LRMDA: variants seen among roughly 807,000 people sequenced by gnomAD.
LRMDA encodes the protein leucine-rich melanocyte differentiation-associated protein.
A neutral mutation model predicts 29.8 loss-of-function variants in LRMDA; 18 were observed. That is an observed-to-expected ratio of 0.60 (90% CI 0.42 to 0.90). The LOEUF (loss-of-function observed/expected upper bound fraction) is 0.90, where lower values mean the gene tolerates loss of function less well. Ranked by LOEUF, LRMDA falls within the 40% of genes least tolerant of loss-of-function variation. LRMDA has a pLI of 0.00. For missense variants in LRMDA, 273 were observed against 273.9 expected (o/e 1.00, Z 0.02); for synonymous variants, 125 against 109.4 (o/e 1.14, Z -0.89).
intron 5 of LRMDA, among the ~76,000 whole-genome samples, chr10:76,101,117 C>T (rs1292654101): frequency 6.6e-6 from 1 of 152,084 alleles, no homozygotes; most frequent in African/African-American, 2.4e-5. Context: ...GTGATATTCT[C>T]TCCAGCTTTT....
intron 5 of LRMDA, among the ~76,000 whole-genome samples, chr10:76,062,436 C>A (rs1350317871): frequency 6.6e-6 from 1 of 152,154 alleles, no homozygotes; most frequent in Non-Finnish European, 1.5e-5. Flanking sequence ...CCCGATGTCG[C>A]AGAGGTCTGA....
At chr10:76,062,698 T>TGTGTG (rs1564642890) in intron 5 of LRMDA, among the ~76,000 whole-genome samples, 28 of 101,916 alleles carry the variant, frequency 2.7e-4, no homozygotes, top group Admixed American at 5.5e-4. Flanking sequence ...GTGTGTGTGT[T>TGTGTG]ATTAGTTGAT....
At chr10:75,984,641 A>T (rs899708509) in intron 2 of LRMDA, among the ~76,000 whole-genome samples, 1 of 152,216 alleles carries the variant, frequency 6.6e-6, no homozygotes, top group Non-Finnish European at 1.5e-5. Context: ...AGATCAGCGC[A>T]TGTCACAGCC....
chr10:75,897,319 A>G (rs1845600109), intron 2 of LRMDA, among the ~76,000 whole-genome samples: 2 of 152,244 alleles, frequency 1.3e-5, no homozygotes, highest in South Asian at 4.1e-4. Context: ...GGCCCTTAAC[A>G]TTACAGGTTT....
intron 2 of LRMDA, among the ~76,000 whole-genome samples, chr10:75,785,514 CT>C: frequency 6.6e-6 from 1 of 152,338 alleles, no homozygotes; most frequent in African/African-American, 2.4e-5. Context: ...AAAACATTCT[CT>C]GCCTCTCTGG....
intron 6 of LRMDA, among the ~76,000 whole-genome samples, chr10:76,534,049 C>G (rs144030946): frequency 2.6e-5 from 4 of 152,102 alleles, no homozygotes; most frequent in Non-Finnish European, 4.4e-5. Context: ...TGTGATAGAT[C>G]CTGTGCTTTG....
rs181131979 is a variant in LRMDA, at chr10:76,398,826, G to A, written c.601+74341G>A. ...AGAAAAGGATGGTTTCTCTTGGGAG[G>A]CCAGGAGTTCCTTATTCCCACTTGA... On this transcript the variant is annotated intron_variant, in intron 6 of 6. Transcript: ENST00000611255. 2.0e-5 allele frequency among the ~76,000 whole-genome samples: 3 copies of A among 152,268 alleles called. No individual in the cohort carries two copies. In the East Asian group the frequency reaches 5.8e-4, roughly 29 times the overall value.
At chr10:76,092,973 G>A (rs755875120) in intron 5 of LRMDA, among the ~76,000 whole-genome samples, 7 of 152,196 alleles carry the variant, frequency 4.6e-5, no homozygotes, top group East Asian at 1.9e-4. Flanking sequence ...CTTTTGGTCC[G>A]TGGGCTCTCC....
intron 5 of LRMDA, among the ~76,000 whole-genome samples, chr10:76,081,809 A>G (rs991228311): frequency 6.6e-6 from 1 of 152,230 alleles, no homozygotes; most frequent in Admixed American, 6.5e-5. Context: ...TGAGCACATT[A>G]TATGTTTATA....
In LRMDA at chr10:76,137,781, A is replaced by C. The variant is rs1457727558; in HGVS notation, c.516+78998A>C. Among the ~76,000 whole-genome samples, 14 of 149,726 alleles carry C rather than the reference A, an allele frequency of 9.4e-5. No homozygotes were observed. In the East Asian group the frequency reaches 2.9e-3, roughly 31 times the overall value. ...AACACAGTCCCTATGGCAAAAAAAA[A>C]AAAAACAAACAAAAAACCCTAAACT... is the stretch of plus-strand genomic sequence containing the variant. On this transcript the variant is annotated intron_variant, in intron 5 of 6. Transcript: ENST00000611255.
chr10:76,440,407 CA>C (rs907778843), intron 6 of LRMDA, among the ~76,000 whole-genome samples: 4 of 152,136 alleles, frequency 2.6e-5, no homozygotes, highest in Non-Finnish European at 5.9e-5. Flanking sequence ...CTTCTCACCC[CA>C]AAATGGCCTC....
chr10:75,448,941 C>T (rs1183932400), intron 2 of LRMDA, among the ~76,000 whole-genome samples: 1 of 152,128 alleles, frequency 6.6e-6, no homozygotes, highest in Non-Finnish European at 1.5e-5. Flanking sequence ...CACTTGAGGT[C>T]AGAAGTTCAA....
chr10:76,409,176 C>G (rs1281177271), intron 6 of LRMDA, among the ~76,000 whole-genome samples: 1 of 152,164 alleles, frequency 6.6e-6, no homozygotes, highest in African/African-American at 2.4e-5. Flanking sequence ...GTACCACACT[C>G]AATAATGGTG....
chr10:76,446,735 G>A (rs541832190), intron 6 of LRMDA, among the ~76,000 whole-genome samples: 2 of 152,264 alleles, frequency 1.3e-5, no homozygotes, highest in Admixed American at 6.5e-5. Flanking sequence ...TCAAGAAAAA[G>A]CAGGTTGGAG....
intron 2 of LRMDA, among the ~76,000 whole-genome samples, chr10:75,931,089 C>T (rs1037971034): frequency 7.2e-5 from 11 of 152,272 alleles, no homozygotes; most frequent in African/African-American, 1.7e-4. Context: ...ATCTAGTTCC[C>T]GCTACTGCAT....
chr10:76,171,413 A>G (rs1240601469), intron 5 of LRMDA, among the ~76,000 whole-genome samples: 1 of 152,252 alleles, frequency 6.6e-6, no homozygotes, highest in Non-Finnish European at 1.5e-5. Context: ...TGCTGGGATT[A>G]CAGGCGTGAG....
At chr10:76,521,803 G>A (rs1233293231) in intron 6 of LRMDA, among the ~76,000 whole-genome samples, 1 of 152,134 alleles carries the variant, frequency 6.6e-6, no homozygotes, top group Non-Finnish European at 1.5e-5. Flanking sequence ...CTCTGTTATT[G>A]TGTATTAGTT....
intron 6 of LRMDA, among the ~76,000 whole-genome samples, chr10:76,465,899 C>A (rs1842560296): frequency 6.6e-6 from 1 of 152,116 alleles, no homozygotes; most frequent in Admixed American, 6.6e-5. Flanking sequence ...GTGCCCCAAT[C>A]TTTTCTTACA....
intron 2 of LRMDA, among the ~76,000 whole-genome samples, chr10:75,718,240 C>G (rs1315319131): frequency 1.3e-5 from 2 of 152,202 alleles, no homozygotes; most frequent in Admixed American, 1.3e-4. Flanking sequence ...GCCGTGGAGA[C>G]TCTGCTTCAT....
Sources: allele counts gnomAD v4.1 joint callset (sites outside exome capture counted in the v4.1 genomes callset), GRCh38; gene constraint gnomAD v4.1.1; transcripts MANE v1.5; gene names NCBI Gene and HGNC (gene_info 2026-07-23, HGNC 2026-07-21).